The following PLD5 variants were observed in gnomAD, a reference collection of about 807,000 sequenced individuals.
The protein encoded by PLD5 is inactive phospholipase D5.
PLD5 carries 36 observed loss-of-function variants against 61.1 expected under a neutral mutation model. The observed-to-expected ratio is 0.59, with a 90% CI of 0.45 to 0.78. The LOEUF (loss-of-function observed/expected upper bound fraction) is 0.78, where lower values mean the gene tolerates loss of function less well. Among genes scored for constraint, PLD5 ranks in the 30% least tolerant of loss-of-function variants. The pLI is 0.00. For synonymous variants in PLD5, 243 were observed against 242.8 expected, an observed-to-expected ratio of 1.00 and a Z score of -0.01; for missense variants, 515 against 644.4, an observed-to-expected ratio of 0.80 and a Z score of 2.17.
intron 1 of PLD5, among the ~76,000 whole-genome samples, chr1:242,427,729 G>A (rs1665510244): frequency 6.6e-6 from 1 of 152,128 alleles, no homozygotes; most frequent in African/African-American, 2.4e-5. Context: ...GTTTTATCTT[G>A]CCTACTGGCA....
At chr1:242,191,382 T>C (rs1668276783) in intron 5 of PLD5, among the ~76,000 whole-genome samples, 1 of 152,086 alleles carries the variant, frequency 6.6e-6, no homozygotes, top group Admixed American at 6.5e-5. Context: ...GGTCAGGAGT[T>C]TGAGACTAGC....
At chr1:242,403,556 C>T (rs1664059698) in intron 1 of PLD5, among the ~76,000 whole-genome samples, 1 of 152,002 alleles carries the variant, frequency 6.6e-6, no homozygotes, top group African/African-American at 2.4e-5. Flanking sequence ...CCTCCACCTC[C>T]CAGGTTCAAG....
At chr1:242,419,390 T>TG (rs68189114) in intron 1 of PLD5, among the ~76,000 whole-genome samples, 1 of 63,532 alleles carries the variant, frequency 1.6e-5, no homozygotes, top group African/African-American at 7.6e-5. Context: ...ATTTTTGTTT[T>TG]TTTTTTTTTT....
intron 9 of PLD5, among the ~76,000 whole-genome samples, chr1:242,096,867 T>G (rs1660284354): frequency 6.6e-6 from 1 of 152,142 alleles, no homozygotes. Context: ...TAACATTAGG[T>G]ATATCTCCTA....
chr1:242,459,772 A>G (rs374256541), intron 1 of PLD5, among the ~76,000 whole-genome samples: 2 of 152,172 alleles, frequency 1.3e-5, no homozygotes, highest in Non-Finnish European at 1.5e-5. Flanking sequence ...CATCACCAAG[A>G]TTCCTATCCC....
chr1:242,158,655 A>G (rs1206161591), intron 5 of PLD5, among the ~76,000 whole-genome samples: 1 of 152,094 alleles, frequency 6.6e-6, no homozygotes, highest in Non-Finnish European at 1.5e-5. Flanking sequence ...CCACTGTCCA[A>G]CCAATCCCAG....
intron 9 of PLD5, among the ~76,000 whole-genome samples, chr1:242,097,661 A>G (rs1264645469): frequency 6.6e-6 from 1 of 152,016 alleles, no homozygotes; most frequent in Non-Finnish European, 1.5e-5. Context: ...TTGTCAGATG[A>G]GTAGATTGCA....
At chr1:242,312,359 C>G (rs891860314) in intron 2 of PLD5, among the ~76,000 whole-genome samples, 1 of 152,000 alleles carries the variant, frequency 6.6e-6, no homozygotes, top group Non-Finnish European at 1.5e-5. Flanking sequence ...CTAATAGGCC[C>G]TCTGTGAAGG....
chr1:242,202,726 T>C (rs560258641), intron 5 of PLD5, among the ~76,000 whole-genome samples: 1 of 152,316 alleles, frequency 6.6e-6, no homozygotes, highest in African/African-American at 2.4e-5. Context: ...CACTCTACTT[T>C]GTGCATTCAT....
chr1:242,175,283 A>G (rs749822471), intron 5 of PLD5, among the ~76,000 whole-genome samples: 1 of 152,248 alleles, frequency 6.6e-6, no homozygotes, highest in South Asian at 2.1e-4. Context: ...CCTAGGATGC[A>G]TGGCTGGTTC....
chr1:242,529,807 C>A, the PLD5 span, among the ~76,000 whole-genome samples: 2 of 147,126 alleles, frequency 1.4e-5, no homozygotes, highest in African/African-American at 2.5e-5. Flanking sequence ...TCCTTCCTTC[C>A]TTCCTTCCTT....
rs540589682 is a variant in PLD5, at chr1:242,094,071, A to G, written c.1355-3961T>C. 2.6e-5 allele frequency among the ~76,000 whole-genome samples: 4 copies of G among 152,080 alleles called. No homozygotes were observed. The South Asian group carries it at 8.3e-4, about 32-fold the overall frequency. ...TTCCTGACCGTCTGGCTTGACTTCA[A>G]AATCACATATATGCTTCAGTGTTTT... On this transcript the variant is annotated intron_variant, in intron 9 of 9. Coordinates refer to ENST00000536534, the MANE Select transcript of PLD5 (RefSeq NM_001372062.1).
intron 1 of PLD5, among the ~76,000 whole-genome samples, chr1:242,511,034 G>T (rs2103000829): frequency 6.6e-6 from 1 of 152,168 alleles, no homozygotes; most frequent in Middle Eastern, 3.4e-3. Flanking sequence ...ATGTTAGGAA[G>T]GGGCAGAACA....
At chr1:242,446,153 C>A (rs767194586) in intron 1 of PLD5, among the ~76,000 whole-genome samples, 62 of 151,872 alleles carry the variant, frequency 4.1e-4, no homozygotes, top group Non-Finnish European at 7.6e-4. Context: ...AAATTTAACT[C>A]CCTCCCTGAC....
intron 1 of PLD5, among the ~76,000 whole-genome samples, chr1:242,494,885 T>TTTTA (rs1415806057): frequency 6.6e-6 from 1 of 150,542 alleles, no homozygotes; most frequent in Non-Finnish European, 1.5e-5. Context: ...TTTCTGTTTT[T>TTTTA]TTTTTTTTGC....
At chr1:242,369,289 T>C (rs1011509221) in intron 1 of PLD5, among the ~76,000 whole-genome samples, 1 of 152,200 alleles carries the variant, frequency 6.6e-6, no homozygotes, top group African/African-American at 2.4e-5. Flanking sequence ...GGGTTAAAAA[T>C]GCAAACTGGC....
At chr1:242,263,415 T>C (rs1673482718) in intron 4 of PLD5, among the ~76,000 whole-genome samples, 1 of 151,672 alleles carries the variant, frequency 6.6e-6, no homozygotes, top group Admixed American at 6.6e-5. Context: ...TAAAATAGTC[T>C]CATAAAAATT....
chr1:242,141,241 C>T (rs1224655708), intron 5 of PLD5, among the ~76,000 whole-genome samples: 1 of 152,206 alleles, frequency 6.6e-6, no homozygotes, highest in East Asian at 1.9e-4. Context: ...TTTGGAATTA[C>T]AATCCTGCAG....
At chr1:242,298,335 G>A (rs1389032082) in intron 2 of PLD5, among the ~76,000 whole-genome samples, 2 of 152,308 alleles carry the variant, frequency 1.3e-5, no homozygotes, top group East Asian at 3.9e-4. Flanking sequence ...GCTATTATTT[G>A]TTGCTTACAG....
Sources: allele counts gnomAD v4.1 joint callset (sites outside exome capture counted in the v4.1 genomes callset), GRCh38; gene constraint gnomAD v4.1.1; transcripts MANE v1.5; gene names NCBI Gene and HGNC (gene_info 2026-07-23, HGNC 2026-07-21).